HSPBAP1: variants seen among roughly 807,000 people sequenced by gnomAD.
HSPBAP1 encodes HSPB1 associated protein 1, also known as HSPB1-associated protein 1.
A neutral mutation model predicts 45.2 loss-of-function variants in HSPBAP1; 27 were observed. The observed-to-expected ratio is 0.60, with a 90% CI of 0.44 to 0.82. The LOEUF is 0.82. HSPBAP1 is among the 40% of genes least tolerant of loss of function. The pLI is 0.00. For synonymous variants in HSPBAP1, 204 were observed against 202.7 expected (o/e 1.01, Z -0.06); for missense variants, 510 against 590.9 (o/e 0.86, Z 1.42).
At chr3:122,762,363 G>A (rs1411195551) in intron 3 of HSPBAP1, among the ~76,000 whole-genome samples, 1 of 150,984 alleles carries the variant, frequency 6.6e-6, no homozygotes, top group Non-Finnish European at 1.5e-5. Flanking sequence ...CAGCCCTAAA[G>A]CCTGGCTCCC....
chr3:122,754,452 G>A, intron 5 of HSPBAP1: 1 of 740,158 alleles, frequency 1.4e-6, no homozygotes, highest in South Asian at 6.0e-5. Context: ...GATAGAAAAA[G>A]ATTAGTTGTT....
At chr3:122,747,254 C>A (rs1933909740) in intron 6 of HSPBAP1, among the ~76,000 whole-genome samples, 1 of 151,830 alleles carries the variant, frequency 6.6e-6, no homozygotes, top group African/African-American at 2.4e-5. Flanking sequence ...TGAGGAGCGT[C>A]TCTGCCCGGC....
chr3:122,789,028 ATT>A (rs1935740302), intron 1 of HSPBAP1, among the ~76,000 whole-genome samples: 1 of 152,222 alleles, frequency 6.6e-6, no homozygotes, highest in Admixed American at 6.5e-5. Flanking sequence ...TTTTATCTAC[ATT>A]ATGAATTACA....
chr3:122,791,136 G>A (rs1317333122), intron 1 of HSPBAP1, among the ~76,000 whole-genome samples: 5 of 152,146 alleles, frequency 3.3e-5, no homozygotes, highest in African/African-American at 9.7e-5. Flanking sequence ...AGGAAACTGA[G>A]GCTCAAAGGG....
chr3:122,781,414 G>A (rs542360064), intron 1 of HSPBAP1, among the ~76,000 whole-genome samples: 2 of 151,752 alleles, frequency 1.3e-5, no homozygotes, highest in Non-Finnish European at 3.0e-5. Context: ...AACCAGTCAG[G>A]CGTGGCGGCG....
intron 6 of HSPBAP1, among the ~76,000 whole-genome samples, chr3:122,745,101 C>G (rs574681701): frequency 6.6e-6 from 1 of 152,110 alleles, no homozygotes; most frequent in Non-Finnish European, 1.5e-5. Context: ...AGGAACAAGA[C>G]AAGGATGCCC....
chr3:122,751,748 A>T (rs1934152375), intron 6 of HSPBAP1, among the ~76,000 whole-genome samples: 1 of 152,188 alleles, frequency 6.6e-6, no homozygotes, highest in Non-Finnish European at 1.5e-5. Context: ...CTGTGACGCT[A>T]CTGATCTCCT....
At chr3:122,741,670 T>C (rs1933672968) in intron 6 of HSPBAP1, 1 of 152,936 alleles carries the variant, frequency 6.5e-6, no homozygotes, top group South Asian at 2.0e-4. Flanking sequence ...CTGTAACATA[T>C]ATAACTGATA....
intron 4 of HSPBAP1, among the ~76,000 whole-genome samples, chr3:122,756,033 G>A (rs1329796335): frequency 6.6e-6 from 1 of 152,132 alleles, no homozygotes; most frequent in Admixed American, 6.5e-5. Flanking sequence ...AAACAGTTTT[G>A]AAAATGGAGG....
chr3:122,752,558 C>CT lies in HSPBAP1; in HGVS notation c.825+32dup, dbSNP rs767764724. 385 of 1,049,304 alleles carry CT rather than the reference C, an allele frequency of 3.7e-4. 2 individuals carry two copies. The highest frequency in any genetic ancestry group is 1.1e-4 in the Non-Finnish European group (87 of 760,784). 65.0% of individuals were successfully genotyped at this position (1,049,304 alleles called of 1,614,324 possible). The stretch of plus-strand genomic sequence containing the variant: ...CTTTTAAAAGCATGATTTGCACTTA[C>CT]TTAAAAAAAAAAAAAAAACAACGAA... On this transcript the variant is annotated intron_variant, in intron 6 of 7. Transcript: ENST00000306103.
chr3:122,781,227 G>C (rs1175049717), intron 1 of HSPBAP1, among the ~76,000 whole-genome samples: 3 of 151,704 alleles, frequency 2.0e-5, no homozygotes, highest in Non-Finnish European at 4.4e-5. Context: ...AGGTTGTAGC[G>C]AGCCGAGATC....
intron 1 of HSPBAP1, among the ~76,000 whole-genome samples, chr3:122,783,427 C>T (rs947841991): frequency 6.6e-6 from 1 of 152,144 alleles, no homozygotes; most frequent in Non-Finnish European, 1.5e-5. Flanking sequence ...TTTTATTATA[C>T]GTTTTTAAAG....
At chr3:122,743,065 A>G (rs1933723494) in intron 6 of HSPBAP1, among the ~76,000 whole-genome samples, 1 of 152,256 alleles carries the variant, frequency 6.6e-6, no homozygotes, top group Non-Finnish European at 1.5e-5. Context: ...ATAACCAGAT[A>G]CAGACATAAC....
intron 4 of HSPBAP1, among the ~76,000 whole-genome samples, chr3:122,755,716 T>A (rs1277659018): frequency 6.6e-6 from 1 of 151,692 alleles, no homozygotes; most frequent in African/African-American, 2.4e-5. Flanking sequence ...GTTCATAAGA[T>A]CATTCTTTCT....
intron 1 of HSPBAP1, among the ~76,000 whole-genome samples, chr3:122,787,088 G>A (rs1935683027): frequency 6.6e-6 from 1 of 152,108 alleles, no homozygotes; most frequent in Admixed American, 6.5e-5. Context: ...ACTTGCAGCA[G>A]GTAGTAATTT....
At chr3:122,749,330 A>T (rs571343782) in intron 6 of HSPBAP1, among the ~76,000 whole-genome samples, 1 of 152,236 alleles carries the variant, frequency 6.6e-6, no homozygotes, top group Admixed American at 6.5e-5. Flanking sequence ...TGTTCTACAT[A>T]TTTAAAATAT....
chr3:122,747,430 G>A (rs544102884), intron 6 of HSPBAP1, among the ~76,000 whole-genome samples: 4,770 of 149,498 alleles, frequency 0.032, 103 homozygotes, highest in Middle Eastern at 0.07. Flanking sequence ...CAACCACACC[G>A]TCTGGGAAGT....
At chr3:122,771,448 G>A (rs1934994383) in intron 2 of HSPBAP1, among the ~76,000 whole-genome samples, 1 of 152,166 alleles carries the variant, frequency 6.6e-6, no homozygotes, top group Non-Finnish European at 1.5e-5. Context: ...GTCAGGATTT[G>A]GCAGTGTTGT....
At chr3:122,777,691 CATT>C in intron 2 of HSPBAP1, 27 bp downstream of exon 2, 1 of 1,516,858 alleles carries the variant, frequency 6.6e-7, no homozygotes, top group Non-Finnish European at 9.1e-7. Flanking sequence ...CCTGAAGAGA[CATT>C]ATGATGGTGA....
Sources: gnomAD v4.1 joint callset for allele counts (sites outside exome capture counted in the v4.1 genomes callset) on GRCh38, gnomAD v4.1.1 for gene constraint, MANE v1.5 for transcripts, NCBI Gene and HGNC (gene_info 2026-07-23, HGNC 2026-07-21) for gene names.